MTCL2: variants seen among roughly 807,000 people sequenced by gnomAD.
MTCL2 encodes the protein microtubule cross-linking factor 2.
At chr20:36,808,388 G>A in the MTCL2 span, 7 of 741,842 alleles carry the variant, frequency 9.4e-6, no homozygotes, top group Non-Finnish European at 1.5e-5. Context: ...AATGCAGGAA[G>A]GAAGCCTGCA....
the MTCL2 span, chr20:36,780,552 C>T: frequency 6.6e-6 from 1 of 152,130 alleles, no homozygotes; most frequent in East Asian, 1.9e-4. Flanking sequence ...AGAGTATTGT[C>T]CCCCACCCCA....
the MTCL2 span, chr20:36,859,611 G>C: frequency 1.6e-6 from 2 of 1,231,732 alleles, no homozygotes; most frequent in Non-Finnish European, 2.0e-6. Context: ...CTCACTGGGA[G>C]AGAGTTGCCC....
the MTCL2 span, among the ~76,000 whole-genome samples, chr20:36,841,333 A>C: frequency 3.3e-5 from 5 of 151,994 alleles, no homozygotes; most frequent in Admixed American, 6.6e-5. Context: ...AGAAAAAAAA[A>C]CAAAAACAAA....
the MTCL2 span, among the ~76,000 whole-genome samples, chr20:36,845,644 T>C: frequency 6.6e-6 from 1 of 152,198 alleles, no homozygotes; most frequent in Non-Finnish European, 1.5e-5. Flanking sequence ...GCGCTGGGCT[T>C]TCCGGGCCCG....
chr20:36,841,652 C>T, the MTCL2 span, among the ~76,000 whole-genome samples: 1 of 152,244 alleles, frequency 6.6e-6, no homozygotes, highest in South Asian at 2.1e-4. Flanking sequence ...CAGGAGTCAA[C>T]CACATGGTAC....
chr20:36,851,445 G>A, the MTCL2 span, among the ~76,000 whole-genome samples: 2 of 152,098 alleles, frequency 1.3e-5, no homozygotes, highest in Admixed American at 6.5e-5. Context: ...CTCCCTCGAC[G>A]CCTCCTCTCA....
chr20:36,794,563 A>G, the MTCL2 span: 1 of 1,614,018 alleles, frequency 6.2e-7, no homozygotes, highest in Admixed American at 1.7e-5. This position sits in a 1 kb window ranked among gnomAD's most constrained non-coding sequence, Gnocchi z 5.4. Flanking sequence ...AGTCGAGCAA[A>G]CTTTCAAACT....
the MTCL2 span, among the ~76,000 whole-genome samples, chr20:36,799,210 G>C: frequency 2.0e-5 from 3 of 151,998 alleles, no homozygotes; most frequent in Non-Finnish European, 4.4e-5. Context: ...TACAAAAGTT[G>C]CCGGGCACGG....
At chr20:36,848,324 T>C in the MTCL2 span, among the ~76,000 whole-genome samples, 1 of 152,188 alleles carries the variant, frequency 6.6e-6, no homozygotes, top group Non-Finnish European at 1.5e-5. Flanking sequence ...GAGCTCAGCC[T>C]GCAGGAAGCA....
At chr20:36,848,231 G>C in the MTCL2 span, among the ~76,000 whole-genome samples, 1 of 152,172 alleles carries the variant, frequency 6.6e-6, no homozygotes, top group Non-Finnish European at 1.5e-5. Flanking sequence ...GGTAGGCAGG[G>C]TCTGTCTACG....
chr20:36,789,988 A>ATTTTTT, the MTCL2 span, among the ~76,000 whole-genome samples: 3 of 110,712 alleles, frequency 2.7e-5, no homozygotes, highest in Admixed American at 9.0e-5. Flanking sequence ...TAATTTTTGT[A>ATTTTTT]TTTTTTTTTT....
chr20:36,802,119 C>G, the MTCL2 span, among the ~76,000 whole-genome samples: 1 of 151,938 alleles, frequency 6.6e-6, no homozygotes, highest in Non-Finnish European at 1.5e-5. Context: ...AACCCTATCT[C>G]TACTAAAAAT....
chr20:36,850,645 A>G, the MTCL2 span, among the ~76,000 whole-genome samples: 1 of 152,336 alleles, frequency 6.6e-6, no homozygotes, highest in South Asian at 2.1e-4. Context: ...TCCATCACCA[A>G]ATTATTGGAT....
the MTCL2 span, chr20:36,796,779 G>A: frequency 2.6e-5 from 29 of 1,120,106 alleles, no homozygotes; most frequent in Admixed American, 1.6e-4. Flanking sequence ...GCAGGGCTGC[G>A]GTGAAAGCAG....
At chr20:36,808,779 C>T in the MTCL2 span, 8 of 1,528,858 alleles carry the variant, frequency 5.2e-6, no homozygotes, top group Admixed American at 5.9e-5. Flanking sequence ...ACCCCAGGGC[C>T]CTGTCCTCTC....
At chr20:36,844,019 C>T in the MTCL2 span, among the ~76,000 whole-genome samples, 1 of 152,122 alleles carries the variant, frequency 6.6e-6, no homozygotes, top group African/African-American at 2.4e-5. Context: ...CGGCAGATCA[C>T]GATGTCAGGA....
the MTCL2 span, chr20:36,817,440 G>T: frequency 6.3e-7 from 1 of 1,589,344 alleles, no homozygotes; most frequent in East Asian, 2.3e-5. Flanking sequence ...CCTTCCCCAG[G>T]GAGCGGGTTC....
At chr20:36,814,431 AC>A in the MTCL2 span, among the ~76,000 whole-genome samples, 1 of 152,184 alleles carries the variant, frequency 6.6e-6, no homozygotes, top group South Asian at 2.1e-4. Flanking sequence ...TCTACTAGAC[AC>A]ACACAAATAC....
chr20:36,804,351 C>T, the MTCL2 span, among the ~76,000 whole-genome samples: 2 of 152,118 alleles, frequency 1.3e-5, no homozygotes, highest in African/African-American at 2.4e-5. Context: ...TTTGGGGGCA[C>T]GCTGGGGAGT....
Sources: allele counts gnomAD v4.1 joint callset (sites outside exome capture counted in the v4.1 genomes callset), GRCh38; gene constraint gnomAD v4.1.1; non-coding constraint Gnocchi (gnomAD v3.1); transcripts MANE v1.5; gene names NCBI Gene and HGNC (gene_info 2026-07-23, HGNC 2026-07-21).